The following DYNC2LI1 variants were observed in gnomAD, a reference collection of about 807,000 sequenced individuals.
DYNC2LI1 encodes the protein cytoplasmic dynein 2 light intermediate chain 1.
Under a neutral mutation model 51.9 loss-of-function variants are expected in DYNC2LI1, and 45 were observed. That is an observed-to-expected ratio of 0.87 (90% CI 0.68 to 1.11). The LOEUF is 1.11. Among genes scored for constraint, DYNC2LI1 ranks in the 50% most tolerant of loss-of-function variants. The pLI is 0.00. For missense variants in DYNC2LI1, 490 were observed against 417.4 expected (o/e 1.17, Z -1.51); for synonymous variants, 130 against 137.8 (o/e 0.94, Z 0.40).
chr2:43,787,629 A>G (rs1673588733), intron 4 of DYNC2LI1, among the ~76,000 whole-genome samples: 1 of 152,222 alleles, frequency 6.6e-6, no homozygotes, highest in South Asian at 2.1e-4. Flanking sequence ...TTAAAAATGC[A>G]TCTTGAAGTT....
chr2:43,814,382 T>C (rs1050926542), downstream of DYNC2LI1: 373 of 812,504 alleles, frequency 4.6e-4, 2 homozygotes, highest in Non-Finnish European at 7.1e-4. Flanking sequence ...TGAATTATTA[T>C]AAAACACAGT....
chr2:43,811,909 T>C (rs140051355), downstream of DYNC2LI1, among the ~76,000 whole-genome samples: 6 of 152,308 alleles, frequency 3.9e-5, no homozygotes, highest in African/African-American at 1.4e-4. Context: ...CCATTTTTAA[T>C]AACCTATTTA....
chr2:43,819,701 A>G, the DYNC2LI1 span, among the ~76,000 whole-genome samples: 1 of 152,210 alleles, frequency 6.6e-6, no homozygotes, highest in African/African-American at 2.4e-5. Context: ...TAAACTTGTT[A>G]GTTCCTGATT....
intron 12 of DYNC2LI1, among the ~76,000 whole-genome samples, chr2:43,809,274 G>A (rs1315289825): frequency 2.6e-5 from 4 of 152,130 alleles, no homozygotes; most frequent in African/African-American, 2.4e-5. Context: ...CTATAGGAAT[G>A]AGCCACCGCA....
At chr2:43,777,773 T>G (rs1189196062) in intron 2 of DYNC2LI1, among the ~76,000 whole-genome samples, 1 of 152,182 alleles carries the variant, frequency 6.6e-6, no homozygotes, top group Non-Finnish European at 1.5e-5. Flanking sequence ...CAGAAGGCCC[T>G]CTCTGCACAA....
At chr2:43,826,415 G>A in the DYNC2LI1 span, 3 of 1,613,978 alleles carry the variant, frequency 1.9e-6, no homozygotes, top group African/African-American at 2.7e-5. Flanking sequence ...GGTGAATGGT[G>A]AGAACCACAA....
chr2:43,818,211 G>A, the DYNC2LI1 span, among the ~76,000 whole-genome samples: 1 of 152,134 alleles, frequency 6.6e-6, no homozygotes, highest in Non-Finnish European at 1.5e-5. Context: ...TAGCACTTTG[G>A]GAGGCCGAGG....
Position 43,794,593 on chromosome 2 carries a change from G to T in DYNC2LI1, c.457G>T (p.Val153Phe). ...MKLGKTNAKA[V>F]SEMRQKIWNN... Reference sequence around the variant, plus strand: ...ACTGGGAAAGACAAATGCTAAAGCAGTTTCTGAAATGAGACAGAAGATCTG... The same window carrying T: ...ACTGGGAAAGACAAATGCTAAAGCATTTTCTGAAATGAGACAGAAGATCTG... Residue 153 changes from valine (V) to phenylalanine (F), a missense_variant, in exon 6 of 13, where the codon GTT becomes TTT. Coordinates refer to ENST00000260605, the MANE Select transcript of DYNC2LI1 (RefSeq NM_016008.4). 1 of 1,614,078 alleles carries T rather than the reference G, an allele frequency of 6.2e-7. No individual in the cohort carries two copies. Among genetic ancestry groups the T allele is most frequent in the Non-Finnish European group, 8.5e-7 (1 of 1,180,002 alleles).
intron 2 of DYNC2LI1, among the ~76,000 whole-genome samples, chr2:43,782,009 C>CTGTGTGTGTG (rs1162141037): frequency 7.9e-6 from 1 of 126,622 alleles, no homozygotes; most frequent in Admixed American, 8.6e-5. Flanking sequence ...TTGTTTCTGT[C>CTGTGTGTGTG]TATGTGTGTG....
chr2:43,779,849 C>G (rs1009448437), intron 2 of DYNC2LI1, among the ~76,000 whole-genome samples: 1 of 152,220 alleles, frequency 6.6e-6, no homozygotes, highest in South Asian at 2.1e-4. Flanking sequence ...TAGTTTGATA[C>G]TAATCTGCCC....
rs188276785 is a variant in DYNC2LI1, at chr2:43,782,338, G to A, written c.127-1182G>A. Among the ~76,000 whole-genome samples, 1,019 of 151,670 alleles carry A rather than the reference G, an allele frequency of 6.7e-3. 45 individuals carry two copies. Among genetic ancestry groups the A allele is most frequent in the Admixed American group, 0.059 (906 of 15,252 alleles). On this transcript the variant is annotated intron_variant, in intron 2 of 12. Coordinates refer to ENST00000260605, the MANE Select transcript of DYNC2LI1 (RefSeq NM_016008.4). The stretch of plus-strand genomic sequence containing the variant: ...TACAAAAAATTTACTCAATTTGATC[G>A]TATTCCAGATATAATCTGGAGTAAT...
At chr2:43,808,777 T>C (rs1666367695) in intron 12 of DYNC2LI1, among the ~76,000 whole-genome samples, 1 of 152,206 alleles carries the variant, frequency 6.6e-6, no homozygotes, top group South Asian at 2.1e-4. Flanking sequence ...CTGTTATTTT[T>C]GCTGGCTGCC....
the DYNC2LI1 span, among the ~76,000 whole-genome samples, chr2:43,827,729 C>G: frequency 6.6e-6 from 1 of 152,128 alleles, no homozygotes; most frequent in South Asian, 2.1e-4. Flanking sequence ...CAAGGAAAAC[C>G]CCAATGGAAC....
intron 4 of DYNC2LI1, among the ~76,000 whole-genome samples, chr2:43,787,758 T>G (rs1300176941): frequency 6.6e-6 from 1 of 152,112 alleles, no homozygotes; most frequent in Non-Finnish European, 1.5e-5. Flanking sequence ...TCATAGTATA[T>G]GCTGGCAGGG....
Position 43,776,835 on chromosome 2 carries a change from G to C in DYNC2LI1, c.62G>C (p.Gly21Ala). 2 of 1,604,018 alleles carry C rather than the reference G, an allele frequency of 1.2e-6. No individual in the cohort carries two copies. The highest frequency in any genetic ancestry group is 1.7e-6 in the Non-Finnish European group (2 of 1,175,396). Residue 21 changes from glycine (G) to alanine (A), a missense_variant, in exon 2 of 13, where the codon GGA (glycine) becomes GCA (alanine). Coordinates refer to ENST00000260605, the MANE Select transcript of DYNC2LI1 (RefSeq NM_016008.4). ...KAEVEKRGIN[G>A]SEGDGAEIAE... ...GAAGTGGAAAAAAGGGGAATTAATG[G>C]AAGTGAAGGTGATGGAGCTGAAATT...
In DYNC2LI1 at chr2:43,789,635, A is replaced by C. The variant is rs1271820940; in HGVS notation, c.234A>C (p.Pro78=). The change falls in exon 5 of 13, where the codon CCA becomes CCC. Residue 78 remains proline, a splice_region_variant and synonymous_variant. Transcript: ENST00000260605. ...YGRRAKGHNT[P]KDIAHFWELG... is the part of the protein sequence containing the mutation. ...AATCAAAAATTTTTGTTTTTCAGCCAAAAGATATCGCTCACTTTTGGGAAC... is the reference window on the plus strand; with the variant it reads ...AATCAAAAATTTTTGTTTTTCAGCCCAAAGATATCGCTCACTTTTGGGAAC... 1.2e-6 allele frequency: 2 copies of C among 1,613,390 alleles called. No homozygotes were observed. Among genetic ancestry groups the C allele is most frequent in the Admixed American group, 3.3e-5 (2 of 59,846 alleles).
At chr2:43,782,009 C>CTGTGTGTGTGTGTG (rs1162141037) in intron 2 of DYNC2LI1, among the ~76,000 whole-genome samples, 11 of 126,680 alleles carry the variant, frequency 8.7e-5, no homozygotes, top group African/African-American at 3.5e-4. Flanking sequence ...TTGTTTCTGT[C>CTGTGTGTGTGTGTG]TATGTGTGTG....
At chr2:43,795,180 C>T (rs1007971229) in intron 6 of DYNC2LI1, 2 of 989,984 alleles carry the variant, frequency 2.0e-6, no homozygotes, top group African/African-American at 1.7e-5. Flanking sequence ...ATCTGGAAAA[C>T]TGAGAGCAGC....
intron 5 of DYNC2LI1, among the ~76,000 whole-genome samples, chr2:43,791,414 C>G (rs968227680): frequency 6.6e-6 from 1 of 152,104 alleles, no homozygotes; most frequent in African/African-American, 2.4e-5. Flanking sequence ...TGTGGAAATT[C>G]TAGGTTCTGC....
Sources: allele counts gnomAD v4.1 joint callset (sites outside exome capture counted in the v4.1 genomes callset), GRCh38; gene constraint gnomAD v4.1.1; transcripts MANE v1.5; gene names NCBI Gene and HGNC (gene_info 2026-07-23, HGNC 2026-07-21).